PLCB4: variants seen among roughly 807,000 people sequenced by gnomAD.
The protein encoded by PLCB4 is 1-phosphatidylinositol 4,5-bisphosphate phosphodiesterase beta-4.
PLCB4 carries 77 observed loss-of-function variants against 178.8 expected under a neutral mutation model. That is an observed-to-expected ratio of 0.43 (90% CI 0.36 to 0.52). The LOEUF (loss-of-function observed/expected upper bound fraction) is 0.52, where lower values mean the gene tolerates loss of function less well. PLCB4 is among the 20% of genes least tolerant of loss of function. PLCB4 has a pLI of 0.00. For synonymous variants in PLCB4, 496 were observed against 490.8 expected (o/e 1.01, Z -0.14); for missense variants, 1,024 against 1,453.4 (o/e 0.70, Z 4.80).
At chr20:9,304,953 T>G (rs2094748865) in intron 3 of PLCB4, among the ~76,000 whole-genome samples, 1 of 151,778 alleles carries the variant, frequency 6.6e-6, no homozygotes, top group Admixed American at 6.6e-5. Context: ...TAGTTACATA[T>G]GTATACATGT....
intron 2 of PLCB4, among the ~76,000 whole-genome samples, chr20:9,119,479 C>T (rs2091889114): frequency 6.8e-6 from 1 of 147,650 alleles, no homozygotes; most frequent in African/African-American, 2.5e-5. Flanking sequence ...TAGCTTGGAA[C>T]TTATCTTAGT....
chr20:9,231,090 C>CA (rs2093926742), intron 3 of PLCB4, among the ~76,000 whole-genome samples: 1 of 152,140 alleles, frequency 6.6e-6, no homozygotes, highest in South Asian at 2.1e-4. Context: ...AATTTGGAGA[C>CA]ATAGTTTAAT....
Position 9,390,608 on chromosome 20 carries a change from C to G in PLCB4, c.1316C>G (p.Ser439Ter), listed in dbSNP as rs143544980. The change falls in exon 17 of 40, where the codon TCA (serine) becomes TGA (stop). Residue 439 changes from serine (S) to a stop codon, truncating the protein, a stop_gained. Transcript: ENST00000378473. LOFTEE classifies it high-confidence loss of function. ...CTCCTGTTGAAACAAGCACTTGAAT[C>G]ACATCCAGTATGTATTTTTAACAAA... ...GDLLLKQALE[S>*]HPLEPGRALP... 2.0e-6 allele frequency: 3 copies of G among 1,484,196 alleles called. No individual in the cohort carries two copies. The highest frequency in any genetic ancestry group is 1.4e-5 in the African/African-American group (1 of 72,306). The allele number at this position is 1,484,196 out of a possible 1,614,324, so 91.9% of individuals were successfully genotyped here.
chr20:9,139,414 G>T (rs2092444298), intron 2 of PLCB4, among the ~76,000 whole-genome samples: 1 of 152,078 alleles, frequency 6.6e-6, no homozygotes, highest in South Asian at 2.1e-4. Context: ...ATGGTTAGTA[G>T]TTGATGTGTT....
intron 30 of PLCB4, among the ~76,000 whole-genome samples, chr20:9,442,589 T>G (rs1445987033): frequency 6.6e-6 from 1 of 152,182 alleles, no homozygotes; most frequent in Non-Finnish European, 1.5e-5. Context: ...CAGAATTTGC[T>G]AGATCTCTGG....
At chr20:9,143,196 T>C (rs772325286) in intron 2 of PLCB4, among the ~76,000 whole-genome samples, 9 of 152,164 alleles carry the variant, frequency 5.9e-5, no homozygotes, top group Non-Finnish European at 1.2e-4. Context: ...TCTTCTAATA[T>C]CTAGACCATT....
chr20:9,152,112 G>A (rs964654134), intron 2 of PLCB4, among the ~76,000 whole-genome samples: 35 of 152,306 alleles, frequency 2.3e-4, no homozygotes, highest in African/African-American at 8.4e-4. Context: ...AGGTGACTTG[G>A]ATGCTGTTAA....
intron 2 of PLCB4, among the ~76,000 whole-genome samples, chr20:9,097,340 G>C (rs1027311815): frequency 6.7e-6 from 1 of 149,230 alleles, no homozygotes; most frequent in Non-Finnish European, 1.5e-5. Context: ...TCTGACTAGA[G>C]CCATGCGTTC....
intron 2 of PLCB4, among the ~76,000 whole-genome samples, chr20:9,139,687 G>A (rs2092449440): frequency 6.6e-6 from 1 of 151,278 alleles, no homozygotes; most frequent in Admixed American, 6.6e-5. Flanking sequence ...CCCAGCAGGA[G>A]GAGTGACAAA....
At chr20:9,164,437 A>G (rs1306286048) in intron 2 of PLCB4, among the ~76,000 whole-genome samples, 1 of 152,146 alleles carries the variant, frequency 6.6e-6, no homozygotes, top group African/African-American at 2.4e-5. Flanking sequence ...AAACCATCTC[A>G]TGTCTTCTGA....
At chr20:9,256,358 G>A (rs2094235569) in intron 3 of PLCB4, among the ~76,000 whole-genome samples, 1 of 152,054 alleles carries the variant, frequency 6.6e-6, no homozygotes, top group African/African-American at 2.4e-5. Flanking sequence ...GATACATCCT[G>A]TACCTCCAGT....
At chr20:9,095,567 A>G (rs1168702042) in intron 1 of PLCB4, among the ~76,000 whole-genome samples, 1 of 152,208 alleles carries the variant, frequency 6.6e-6, no homozygotes, top group East Asian at 1.9e-4. Flanking sequence ...TTTGGCTTGA[A>G]TATGTAAAGT....
At chr20:9,167,108 G>C (rs967533110) in intron 2 of PLCB4, among the ~76,000 whole-genome samples, 12 of 151,974 alleles carry the variant, frequency 7.9e-5, no homozygotes, top group African/African-American at 1.9e-4. Flanking sequence ...GTATAGGTAT[G>C]ATTTGCTTGG....
At chr20:9,309,858 A>C (rs929559030) in intron 4 of PLCB4, among the ~76,000 whole-genome samples, 9 of 152,200 alleles carry the variant, frequency 5.9e-5, no homozygotes, top group Non-Finnish European at 1.3e-4. Flanking sequence ...GGAAATACTG[A>C]TCACCTGTGC....
At chr20:9,468,727 T>A in intron 36 of PLCB4, 55 bp downstream of exon 36, 1 of 1,017,390 alleles carries the variant, frequency 9.8e-7, no homozygotes, top group Non-Finnish European at 1.6e-6. Context: ...GGACACAGTC[T>A]CAACTTTCTT....
chr20:9,406,717 G>A (rs191476391), intron 21 of PLCB4, among the ~76,000 whole-genome samples: 10 of 152,140 alleles, frequency 6.6e-5, no homozygotes, highest in Admixed American at 3.3e-4. Flanking sequence ...GGATGGTCTC[G>A]ATCTCCTGAC....
chr20:9,071,794 A>G (rs2089588123), intron 1 of PLCB4, among the ~76,000 whole-genome samples: 1 of 152,200 alleles, frequency 6.6e-6, no homozygotes. Flanking sequence ...AGGAAGTATA[A>G]ATTTTCTTTG....
At chr20:9,262,339 G>T (rs927448777) in intron 3 of PLCB4, among the ~76,000 whole-genome samples, 7 of 152,168 alleles carry the variant, frequency 4.6e-5, no homozygotes, top group African/African-American at 1.7e-4. Context: ...GAGTGAGAGA[G>T]AGAGAGAGAA....
At chr20:9,178,633 A>C (rs1169800014) in intron 2 of PLCB4, among the ~76,000 whole-genome samples, 1 of 151,612 alleles carries the variant, frequency 6.6e-6, no homozygotes, top group African/African-American at 2.4e-5. Flanking sequence ...TATGATATTT[A>C]TGTGGTTTTT....
Sources: gnomAD v4.1 joint callset for allele counts (sites outside exome capture counted in the v4.1 genomes callset) on GRCh38, gnomAD v4.1.1 for gene constraint, MANE v1.5 for transcripts, NCBI Gene and HGNC (gene_info 2026-07-23, HGNC 2026-07-21) for gene names.